COBL: variants seen among roughly 807,000 people sequenced by gnomAD.
The protein encoded by COBL is cordon-bleu WH2 repeat protein.
In COBL, 51 loss-of-function variants were observed where a neutral mutation model predicts 98.8. That is an observed-to-expected ratio of 0.52 (90% CI 0.41 to 0.65). The LOEUF (loss-of-function observed/expected upper bound fraction) is 0.65. COBL is among the 30% of genes least tolerant of loss of function. The probability of loss-of-function intolerance (pLI) is 0.00; values close to 1 mark genes in which losing one functional copy is unlikely to be tolerated. For synonymous variants in COBL, 634 were observed against 651.7 expected (o/e 0.97, Z 0.41); for missense variants, 1,617 against 1,617.5 (o/e 1.00, Z 0.01).
At chr7:51,133,043 G>A (rs1798898023) in intron 6 of COBL, among the ~76,000 whole-genome samples, 1 of 152,124 alleles carries the variant, frequency 6.6e-6, no homozygotes, top group South Asian at 2.1e-4. Context: ...GTATAGGAAG[G>A]GGGCTCTAAC....
chr7:51,110,186 C>T (rs894318184), intron 6 of COBL, among the ~76,000 whole-genome samples: 6 of 152,134 alleles, frequency 3.9e-5, no homozygotes, highest in Non-Finnish European at 8.8e-5. Context: ...TCCGACTATG[C>T]TACCAAACAC....
At chr7:51,275,013 A>G (rs565550525) in intron 1 of COBL, among the ~76,000 whole-genome samples, 5 of 152,360 alleles carry the variant, frequency 3.3e-5, no homozygotes, top group South Asian at 2.1e-4. Context: ...TGGCCGTGCA[A>G]TTCAACTCTT....
intron 1 of COBL, among the ~76,000 whole-genome samples, chr7:51,262,588 G>C (rs1235369610): frequency 6.6e-6 from 1 of 152,220 alleles, no homozygotes; most frequent in Non-Finnish European, 1.5e-5. Context: ...GCAGCGCCAA[G>C]TCGCCATGCC....
chr7:51,283,168 A>C (rs1229122860), intron 1 of COBL, among the ~76,000 whole-genome samples: 2 of 152,202 alleles, frequency 1.3e-5, no homozygotes, highest in Admixed American at 1.3e-4. Context: ...AAATTGCTGA[A>C]ACAGAAAAAA....
intron 1 of COBL, among the ~76,000 whole-genome samples, chr7:51,251,122 C>T (rs1013770185): frequency 3.9e-5 from 6 of 152,098 alleles, no homozygotes; most frequent in Non-Finnish European, 7.4e-5. Flanking sequence ...AGTAACATCT[C>T]GAGCAGCAAC....
chr7:51,295,305 A>T (rs1801322747), intron 1 of COBL, among the ~76,000 whole-genome samples: 1 of 150,398 alleles, frequency 6.6e-6, no homozygotes, highest in Admixed American at 6.6e-5. Flanking sequence ...AAAACAACCT[A>T]CATGACAGGT....
chr7:51,214,236 T>C (rs1792787328), intron 2 of COBL, among the ~76,000 whole-genome samples: 1 of 151,828 alleles, frequency 6.6e-6, no homozygotes, highest in African/African-American at 2.4e-5. Context: ...GCCACTGCAC[T>C]GTAGCCTGGG....
intron 1 of COBL, among the ~76,000 whole-genome samples, chr7:51,270,367 C>A (rs1250309895): frequency 6.6e-6 from 1 of 152,152 alleles, no homozygotes; most frequent in Admixed American, 6.5e-5. Context: ...TGGTTAGAGT[C>A]CTGAATTTCC....
intron 7 of COBL, among the ~76,000 whole-genome samples, chr7:51,054,331 T>C (rs1316904455): frequency 6.6e-6 from 1 of 152,150 alleles, no homozygotes; most frequent in Non-Finnish European, 1.5e-5. Context: ...ATCTATAAAA[T>C]CTACTGAGTT....
chr7:51,022,519 C>A (rs750840026), intron 12 of COBL: 2 of 152,234 alleles, frequency 1.3e-5, no homozygotes, highest in Non-Finnish European at 2.9e-5. Flanking sequence ...TGCATTTCTC[C>A]CCACTTTCTT....
intron 1 of COBL, among the ~76,000 whole-genome samples, chr7:51,272,246 A>T (rs1798824462): frequency 2.0e-5 from 3 of 152,184 alleles, no homozygotes; most frequent in Admixed American, 2.0e-4. Flanking sequence ...GTTGTTTCAT[A>T]CAAGTACACC....
intron 2 of COBL, among the ~76,000 whole-genome samples, chr7:51,217,759 T>A (rs548082887): frequency 6.6e-6 from 1 of 152,326 alleles, no homozygotes; most frequent in Admixed American, 6.5e-5. Context: ...AAAGTGTTTT[T>A]TAAAACTATA....
chr7:51,167,270 C>T (rs1787412506), intron 5 of COBL, among the ~76,000 whole-genome samples: 1 of 151,982 alleles, frequency 6.6e-6, no homozygotes, highest in South Asian at 2.1e-4. Context: ...CAAAATCAAC[C>T]TACAAAAATC....
At chr7:51,299,962 T>C (rs1801774789) in intron 1 of COBL, among the ~76,000 whole-genome samples, 1 of 152,182 alleles carries the variant, frequency 6.6e-6, no homozygotes, top group Admixed American at 6.5e-5. Context: ...GCACTCATCT[T>C]ACTGCAGACC....
intron 7 of COBL, among the ~76,000 whole-genome samples, chr7:51,057,122 C>T (rs1210614450): frequency 6.6e-6 from 1 of 152,154 alleles, no homozygotes; most frequent in Non-Finnish European, 1.5e-5. Flanking sequence ...GACGGACTGT[C>T]TCAAGGTTGC....
chr7:51,133,334 C>T (rs2129003366), intron 6 of COBL, among the ~76,000 whole-genome samples: 1 of 152,336 alleles, frequency 6.6e-6, no homozygotes, highest in East Asian at 1.9e-4. Flanking sequence ...TATTATTCTA[C>T]AGCACAGATG....
intron 1 of COBL, chr7:51,259,642 G>C (rs1797540610): frequency 1.4e-6 from 1 of 728,484 alleles, no homozygotes; most frequent in Admixed American, 1.8e-5. Flanking sequence ...AAATTCCCCT[G>C]GTGCTCCTCA....
chr7:51,032,744 T>G (rs571372544), intron 8 of COBL: 1 of 152,356 alleles, frequency 6.6e-6, no homozygotes, highest in East Asian at 1.9e-4. Flanking sequence ...GCCATGGACT[T>G]TAATTATTTG....
chr7:51,167,444 G>A (rs1316661734), intron 5 of COBL, among the ~76,000 whole-genome samples: 1 of 151,728 alleles, frequency 6.6e-6, no homozygotes, highest in Non-Finnish European at 1.5e-5. Context: ...AATTAAAGAG[G>A]ATACCAAAAA....
Sources: gnomAD v4.1 joint callset for allele counts (sites outside exome capture counted in the v4.1 genomes callset) on GRCh38, gnomAD v4.1.1 for gene constraint, MANE v1.5 for transcripts, NCBI Gene and HGNC (gene_info 2026-07-23, HGNC 2026-07-21) for gene names.